The following TLE4 variants were observed in gnomAD, a reference collection of about 807,000 sequenced individuals.
TLE4 encodes transducin-like enhancer protein 4.
A neutral mutation model predicts 92.8 loss-of-function variants in TLE4; 8 were observed. The ratio of observed to expected loss-of-function variants is 0.09; its 90% CI spans 0.05 to 0.16. The LOEUF is 0.16. TLE4 is among the 10% of genes least tolerant of loss of function. The probability of loss-of-function intolerance (pLI) is 1.00; values close to 1 mark genes in which losing one functional copy is unlikely to be tolerated. For missense variants in TLE4, 675 were observed against 997.6 expected, an observed-to-expected ratio of 0.68 and a Z score of 4.36; for synonymous variants, 371 against 374.1, an observed-to-expected ratio of 0.99 and a Z score of 0.10.
chr9:79,714,157 C>T (rs1588564701), intron 14 of TLE4, among the ~76,000 whole-genome samples: 1 of 152,320 alleles, frequency 6.6e-6, no homozygotes, highest in African/African-American at 2.4e-5. Context: ...CCGCGCCCAA[C>T]AGGAATAATT....
At chr9:79,633,382 T>A (rs1054813307) in intron 6 of TLE4, among the ~76,000 whole-genome samples, 1 of 152,170 alleles carries the variant, frequency 6.6e-6, no homozygotes, top group Admixed American at 6.5e-5. Context: ...CCAGCAATGC[T>A]ACAATTTTTC....
chr9:79,655,574 C>T (rs1232905669), intron 8 of TLE4, among the ~76,000 whole-genome samples: 1 of 152,160 alleles, frequency 6.6e-6, no homozygotes, highest in Non-Finnish European at 1.5e-5. Context: ...ACAATTAGAA[C>T]TGAACACATT....
At chr9:79,635,480 A>G (rs1229847758) in intron 6 of TLE4, among the ~76,000 whole-genome samples, 1 of 150,438 alleles carries the variant, frequency 6.6e-6, no homozygotes, top group Non-Finnish European at 1.5e-5. Context: ...GACCGCAAAC[A>G]TGTTATTCTG....
rs531895017 is a variant in TLE4, at chr9:79,698,709, G to GT, written c.610-6068dup. Reference sequence around the variant, plus strand: ...TCAGTCAGAGCTCTACTATATTCAAGTTTTTTACCACCAGCATGCTATAAA... The same window carrying GT: ...TCAGTCAGAGCTCTACTATATTCAAGTTTTTTTACCACCAGCATGCTATAAA... On this transcript the variant is annotated intron_variant, in intron 8 of 19. Coordinates refer to ENST00000376552, the MANE Select transcript of TLE4 (RefSeq NM_007005.6). Among the ~76,000 whole-genome samples the GT allele has an allele frequency of 7.1e-4, 108 of 151,980 alleles. 1 individual carries two copies. Among genetic ancestry groups the GT allele is most frequent in the African/African-American group, 2.4e-3 (101 of 41,478 alleles).
At chr9:79,656,192 T>C (rs973365808) in intron 8 of TLE4, among the ~76,000 whole-genome samples, 6 of 152,172 alleles carry the variant, frequency 3.9e-5, no homozygotes, top group African/African-American at 1.4e-4. Context: ...TCTGTGATGC[T>C]CAGAGAAGCA....
chr9:79,704,609 T>G (rs2070975967), intron 8 of TLE4, 174 bp from the exon 9 acceptor site: 3 of 783,834 alleles, frequency 3.8e-6, no homozygotes, highest in Non-Finnish European at 5.9e-6. Flanking sequence ...TGTCTTTCCC[T>G]TTATATCCCT....
chr9:79,722,883 G>T, intron 18 of TLE4, 76 bp from the exon 19 acceptor site: 3 of 1,323,178 alleles, frequency 2.3e-6, no homozygotes, highest in Non-Finnish European at 3.2e-6. Context: ...TTAATAGTTT[G>T]GTGTTCTATA....
chr9:79,596,036 CAG>C (rs556432091), intron 4 of TLE4, among the ~76,000 whole-genome samples: 1,697 of 151,972 alleles, frequency 0.011, 36 homozygotes, highest in African/African-American at 0.038. Flanking sequence ...TTAGTAGAGA[CAG>C]GGTTTCACCG....
At chr9:79,604,159 G>A (rs541001314) in intron 4 of TLE4, among the ~76,000 whole-genome samples, 7 of 152,272 alleles carry the variant, frequency 4.6e-5, no homozygotes, top group Non-Finnish European at 8.8e-5. Context: ...AGCATCAGAG[G>A]GAGTGTCCTG....
chr9:79,677,306 T>C (rs1298430388), intron 8 of TLE4, among the ~76,000 whole-genome samples: 1 of 152,140 alleles, frequency 6.6e-6, no homozygotes, highest in Non-Finnish European at 1.5e-5. Context: ...CTAGTATTAA[T>C]TTAGTTCGTG....
intron 3 of TLE4, 182 bp from the exon 4 acceptor site, chr9:79,575,951 T>C (rs1036833025): frequency 2.7e-5 from 11 of 410,306 alleles, no homozygotes; most frequent in Non-Finnish European, 4.8e-5. Context: ...TCTCTTAGAA[T>C]TTGTGTCTTA....
Position 79,678,663 on chromosome 9 carries a change from G to A in TLE4, c.609+24588G>A, listed in dbSNP as rs1406060696. 7.3e-5 allele frequency among the ~76,000 whole-genome samples: 11 copies of A among 150,988 alleles called. No homozygotes were observed. In the South Asian group the frequency reaches 2.3e-3, roughly 32 times the overall value. On this transcript the variant is annotated intron_variant, in intron 8 of 19. Transcript: ENST00000376552. ...ATACTTTAAGTTTTAGGGTACATGTGCACAATGTGCAGGTTTGTTACATAT... is the reference window on the plus strand; with the variant it reads ...ATACTTTAAGTTTTAGGGTACATGTACACAATGTGCAGGTTTGTTACATAT...
At chr9:79,595,755 G>A (rs1220577268) in intron 4 of TLE4, among the ~76,000 whole-genome samples, 1 of 151,940 alleles carries the variant, frequency 6.6e-6, no homozygotes, top group Non-Finnish European at 1.5e-5. Context: ...AAGCACTGCA[G>A]TTTGTGCTTT....
At chr9:79,596,001 C>T (rs2043879695) in intron 4 of TLE4, among the ~76,000 whole-genome samples, 1 of 151,992 alleles carries the variant, frequency 6.6e-6, no homozygotes, top group South Asian at 2.1e-4. Context: ...CGCCCACCAC[C>T]ACGCCATGCT....
intron 6 of TLE4, among the ~76,000 whole-genome samples, chr9:79,629,207 TA>T (rs991233129): frequency 2.6e-5 from 4 of 152,072 alleles, no homozygotes; most frequent in South Asian, 2.1e-4. Context: ...GGATTATTAT[TA>T]TTTTTTTTTC....
At chr9:79,694,507 T>A (rs185502354) in intron 8 of TLE4, among the ~76,000 whole-genome samples, 17 of 152,312 alleles carry the variant, frequency 1.1e-4, no homozygotes, top group Non-Finnish European at 2.4e-4. Context: ...AAATCGTTTC[T>A]GTAGAATGAA....
At chr9:79,608,388 G>A (rs1412422890) in intron 4 of TLE4, among the ~76,000 whole-genome samples, 1 of 152,018 alleles carries the variant, frequency 6.6e-6, no homozygotes, top group Non-Finnish European at 1.5e-5. Flanking sequence ...TTAAAGAATT[G>A]CAGTCTTTGT....
chr9:79,675,143 T>C (rs1212179389), intron 8 of TLE4, among the ~76,000 whole-genome samples: 1 of 152,244 alleles, frequency 6.6e-6, no homozygotes. Flanking sequence ...CCTTCCCTAA[T>C]TGATGAACAA....
At chr9:79,653,988 A>T in intron 7 of TLE4, 71 bp from the exon 8 acceptor site, 1 of 1,526,330 alleles carries the variant, frequency 6.6e-7, no homozygotes, top group Non-Finnish European at 9.1e-7. Context: ...ATTTTATGTA[A>T]ACTAACTAGT....
Sources: gnomAD v4.1 joint callset for allele counts (sites outside exome capture counted in the v4.1 genomes callset) on GRCh38, gnomAD v4.1.1 for gene constraint, MANE v1.5 for transcripts, NCBI Gene and HGNC (gene_info 2026-07-23, HGNC 2026-07-21) for gene names.